Variants in CATSPERG observed in about 807,000 individuals in gnomAD.
The protein encoded by CATSPERG is catsper channel auxiliary subunit gamma.
Under a neutral mutation model 145.0 loss-of-function variants are expected in CATSPERG, and 115 were observed. The observed-to-expected ratio is 0.79, with a 90% CI of 0.68 to 0.93. CATSPERG has a LOEUF of 0.93. Among genes scored for constraint, CATSPERG ranks in the 40% least tolerant of loss-of-function variants. The probability of loss-of-function intolerance (pLI) is 0.00; values close to 1 mark genes in which losing one functional copy is unlikely to be tolerated. For synonymous variants in CATSPERG, 588 were observed against 589.0 expected, an observed-to-expected ratio of 1.00 and a Z score of 0.02; for missense variants, 1,296 against 1,490.1, an observed-to-expected ratio of 0.87 and a Z score of 2.14.
intron 11 of CATSPERG, among the ~76,000 whole-genome samples, 155 bp downstream of exon 11, chr19:38,357,016 A>G (rs1360502262): frequency 2.0e-5 from 3 of 152,140 alleles, no homozygotes; most frequent in Non-Finnish European, 4.4e-5. Context: ...AGAACAGGAT[A>G]TAGGCTTGGT....
In CATSPERG at chr19:38,362,411, C is replaced by A; in HGVS notation, c.2193C>A (p.Ser731Arg). ...TCTTCTTGGCGAGCAATTGGCGAAG[C>A]GCGGGCGGCGTGTCCATAGAAATGG... is the stretch of plus-strand genomic sequence containing the variant. ...YYFFLASNWR[S>R]AGGVSIEMDS... Residue 731 changes from serine (S) to arginine (R), a missense_variant, in exon 19 of 29, where the codon AGC (serine) becomes AGA (arginine). Coordinates refer to ENST00000409235, the MANE Select transcript of CATSPERG (RefSeq NM_021185.5). 1.9e-6 allele frequency: 3 copies of A among 1,614,132 alleles called. No homozygotes were observed. Among genetic ancestry groups the A allele is most frequent in the Non-Finnish European group, 2.5e-6 (3 of 1,180,028 alleles).
At chr19:38,336,656 T>G in intron 1 of CATSPERG, 1 of 226,104 alleles carries the variant, frequency 4.4e-6, no homozygotes, top group Non-Finnish European at 9.0e-6. Context: ...GGCAAGAGGT[T>G]GGGGCACAGC....
intron 6 of CATSPERG, among the ~76,000 whole-genome samples, chr19:38,346,188 T>A (rs1013281064): frequency 6.6e-6 from 1 of 152,104 alleles, no homozygotes; most frequent in Non-Finnish European, 1.5e-5. Context: ...GAAGAGCAGT[T>A]CATCAGGAGA....
At position 38,362,202 on chromosome 19, in the gene CATSPERG, C is replaced by A; in HGVS notation, c.2095-8C>A. On this transcript the variant is annotated splice_polypyrimidine_tract_variant and splice_region_variant and intron_variant, in intron 17 of 28. Transcript: ENST00000409235. ...CAATCCCTTCACGGTGCCGGGCGAT[C>A]CCTGCAGCCGTACGCGGACCCGGTG... 1 of 1,584,772 alleles carries A rather than the reference C, an allele frequency of 6.3e-7. No individual in the cohort carries two copies. Among genetic ancestry groups the A allele is most frequent in the Non-Finnish European group, 8.6e-7 (1 of 1,165,594 alleles).
intron 4 of CATSPERG, 38 bp downstream of exon 4, chr19:38,343,762 AGG>A: frequency 6.5e-7 from 1 of 1,528,794 alleles, no homozygotes; most frequent in Non-Finnish European, 8.8e-7. Flanking sequence ...GCAACCTGGC[AGG>A]GGTGTGGGGT....
In CATSPERG at chr19:38,362,821, G is replaced by T. The variant is rs1294952388; in HGVS notation, c.2464G>T (p.Val822Leu). The T allele has an allele frequency of 1.9e-6, 3 of 1,612,072 alleles. No individual in the cohort carries two copies. Among genetic ancestry groups the T allele is most frequent in the Non-Finnish European group, 1.7e-6 (2 of 1,178,336 alleles). ...KQEVLINRNS[V>L]LFSITLKDKK... ...GGAGGTCCTGATTAATCGCAACTCGGTGCTATTTTCGGTGAGGCCCCCCGG... is the reference window on the plus strand; with the variant it reads ...GGAGGTCCTGATTAATCGCAACTCGTTGCTATTTTCGGTGAGGCCCCCCGG... Residue 822 changes from valine (V) to leucine (L), a missense_variant, in exon 20 of 29, where the codon GTG (valine) becomes TTG (leucine). Coordinates refer to ENST00000409235, the MANE Select transcript of CATSPERG (RefSeq NM_021185.5).
Position 38,356,493 on chromosome 19 carries a change from T to A in CATSPERG, c.1145T>A (p.Val382Glu). 1.9e-6 allele frequency: 3 copies of A among 1,613,766 alleles called. No individual in the cohort carries two copies. Among genetic ancestry groups the A allele is most frequent in the Non-Finnish European group, 2.5e-6 (3 of 1,179,932 alleles). ...CGACCTTGCTCTGCAGATGGCCAGG[T>A]GTCCTTTGAGATGCTGCCCAGGCAG... Reference protein sequence around the residue: ...VHFGTIRDGQVSFEMLPRQWS... With the variant: ...VHFGTIRDGQESFEMLPRQWS... Residue 382 changes from valine (V) to glutamate (E), a missense_variant, in exon 10 of 29, where the codon GTG becomes GAG. Val to Glu is a moderately radical substitution (Grantham distance 121). Transcript: ENST00000409235.
chr19:38,337,726 T>A (rs1969866732), intron 3 of CATSPERG, 80 bp downstream of exon 3: 2 of 1,318,288 alleles, frequency 1.5e-6, no homozygotes, highest in African/African-American at 3.0e-5. Flanking sequence ...ATTTATTTAT[T>A]TTATTTTTTT....
At chr19:38,370,464 C>T (rs1970526985) in intron 28 of CATSPERG, 62 bp from the exon 29 acceptor site, 1 of 1,594,832 alleles carries the variant, frequency 6.3e-7, no homozygotes. Context: ...ACTGTGGATG[C>T]AGATTGTGGA....
chr19:38,360,032 C>T, intron 14 of CATSPERG: 1 of 985,148 alleles, frequency 1.0e-6, no homozygotes, highest in Non-Finnish European at 1.2e-6. Context: ...GGGGATCCCC[C>T]AGGTTGTGGC....
chr19:38,364,715 C>T (rs1023191874), intron 20 of CATSPERG, among the ~76,000 whole-genome samples, 176 bp from the exon 21 acceptor site: 3 of 152,268 alleles, frequency 2.0e-5, no homozygotes, highest in Non-Finnish European at 4.4e-5. Flanking sequence ...CGGTTAGGAG[C>T]TGGAGACCAG....
At position 38,364,043 on chromosome 19, in the gene CATSPERG, G is replaced by A. The variant is rs560458881; in HGVS notation, c.2476-848G>A. The stretch of plus-strand genomic sequence containing the variant: ...TCCCCACTTCCCAGCAGGGGCGGCC[G>A]GGCAGAGGTGCCCCTCACCTCCCGG... On this transcript the variant is annotated intron_variant, in intron 20 of 28. Transcript: ENST00000409235. 8.8e-4 allele frequency among the ~76,000 whole-genome samples: 134 copies of A among 151,986 alleles called. 1 individual carries two copies. The highest frequency in any genetic ancestry group is 3.2e-3 in the African/African-American group (131 of 41,424).
rs977651883 is a variant in CATSPERG at position 38,367,714 on chromosome 19, A to C, written c.2868A>C (p.Thr956=). The C allele has an allele frequency of 4.3e-6, 7 of 1,613,942 alleles. No homozygotes were observed. In the African/African-American group the frequency reaches 8.0e-5, roughly 18 times the overall value. Residue 956 remains threonine, a synonymous_variant, in exon 25 of 29, where the codon ACA becomes ACC. Coordinates refer to ENST00000409235, the MANE Select transcript of CATSPERG (RefSeq NM_021185.5). ...YVLLVVGGGP[T]LDSLKDYSED... ...TGCTGGTGGTGGGTGGCGGGCCCAC[A>C]CTGGACAGCCTCAAGGACTACAGTG...
Position 38,367,216 on chromosome 19 carries a change from A to G in CATSPERG, c.2674A>G (p.Ile892Val), listed in dbSNP as rs1396470496. The change falls in exon 23 of 29, where the codon ATC becomes GTC. Residue 892 changes from isoleucine to valine, a missense_variant. Coordinates refer to ENST00000409235, the MANE Select transcript of CATSPERG (RefSeq NM_021185.5). ...CPPGKRLAFD[I>V]TYTLEYSRLK... The stretch of plus-strand genomic sequence containing the variant: ...CCCAGGCAAGCGCCTGGCCTTCGAC[A>G]TCACCTACACGCTGGAATACAGCCG... 4 of 1,613,858 alleles carry G rather than the reference A, an allele frequency of 2.5e-6. No individual in the cohort carries two copies. The highest frequency in any genetic ancestry group is 2.7e-5 in the African/African-American group (2 of 74,928).
chr19:38,370,496 A>G (rs1207884268), intron 28 of CATSPERG, 30 bp from the exon 29 acceptor site: 1 of 1,613,616 alleles, frequency 6.2e-7, no homozygotes, highest in South Asian at 1.1e-5. Flanking sequence ...ATCATGTGCC[A>G]ACTCCTTACT....
At chr19:38,370,485 T>C in intron 28 of CATSPERG, 41 bp from the exon 29 acceptor site, 1 of 1,612,988 alleles carries the variant, frequency 6.2e-7, no homozygotes, top group Non-Finnish European at 8.5e-7. Flanking sequence ...CTGTGTACCT[T>C]ATCATGTGCC....
intron 1 of CATSPERG, chr19:38,336,354 C>A: frequency 3.5e-6 from 1 of 289,128 alleles, no homozygotes; most frequent in Non-Finnish European, 7.4e-6. Context: ...TACCAGAGGG[C>A]GGGACGGGGC....
chr19:38,360,196 G>T (rs1158593829), intron 14 of CATSPERG: 3 of 985,224 alleles, frequency 3.0e-6, no homozygotes, highest in Non-Finnish European at 3.6e-6. Context: ...GGCTGTTAGG[G>T]AGTGTGTGTG....
At chr19:38,356,462 T>C (rs1011185566) in intron 9 of CATSPERG, 22 bp from the exon 10 acceptor site, 50 of 1,613,172 alleles carry the variant, frequency 3.1e-5, no homozygotes, top group Non-Finnish European at 3.9e-5. Flanking sequence ...GGCCTGAACA[T>C]GAACCCGACC....
Sources: gnomAD v4.1 joint callset for allele counts (sites outside exome capture counted in the v4.1 genomes callset) on GRCh38, gnomAD v4.1.1 for gene constraint, MANE v1.5 for transcripts, NCBI Gene and HGNC (gene_info 2026-07-23, HGNC 2026-07-21) for gene names.